ROR1: variants seen among roughly 807,000 people sequenced by gnomAD.
ROR1 encodes inactive tyrosine-protein kinase transmembrane receptor ROR1.
ROR1 carries 19 observed loss-of-function variants against 78.8 expected under a neutral mutation model. The ratio of observed to expected loss-of-function variants is 0.24; its 90% CI spans 0.17 to 0.35. The LOEUF (loss-of-function observed/expected upper bound fraction) is 0.35, where lower values mean the gene tolerates loss of function less well. Ranked by LOEUF, ROR1 falls within the 10% of genes least tolerant of loss-of-function variation. ROR1 has a pLI of 1.00. For synonymous variants in ROR1, 386 were observed against 433.6 expected (o/e 0.89, Z 1.36); for missense variants, 917 against 1,177.8 (o/e 0.78, Z 3.24).
chr1:63,916,679 C>G (rs529208233), intron 1 of ROR1, among the ~76,000 whole-genome samples: 1 of 152,178 alleles, frequency 6.6e-6, no homozygotes, highest in African/African-American at 2.4e-5. Context: ...AAGGTCCCAC[C>G]TCCTGATGTG....
intron 4 of ROR1, among the ~76,000 whole-genome samples, chr1:64,082,226 T>C (rs6677653): frequency 0.15 from 22,597 of 152,144 alleles, 1,773 homozygotes; most frequent in Middle Eastern, 0.2. Flanking sequence ...AGGGAATAAG[T>C]TCGTGGCAGT....
chr1:64,129,677 T>C (rs572667656), intron 4 of ROR1, among the ~76,000 whole-genome samples: 1 of 152,294 alleles, frequency 6.6e-6, no homozygotes, highest in South Asian at 2.1e-4. Flanking sequence ...TTGAAGACAG[T>C]AAAAAATCAC....
chr1:64,045,667 C>A (rs1292355093), intron 2 of ROR1, among the ~76,000 whole-genome samples: 1 of 152,120 alleles, frequency 6.6e-6, no homozygotes, highest in East Asian at 1.9e-4. Context: ...CTCTGTTTTC[C>A]ATGTGTAAAA....
intron 1 of ROR1, among the ~76,000 whole-genome samples, chr1:63,948,544 T>C (rs1449277618): frequency 6.6e-6 from 1 of 152,184 alleles, no homozygotes; most frequent in African/African-American, 2.4e-5. Flanking sequence ...GCCTAGTAGA[T>C]GTTCAGTAAA....
At chr1:64,003,357 T>C (rs753681078) in intron 1 of ROR1, among the ~76,000 whole-genome samples, 12 of 152,200 alleles carry the variant, frequency 7.9e-5, no homozygotes, top group Non-Finnish European at 1.8e-4. Context: ...AGTGATTTCG[T>C]ACTGCAATAT....
intron 4 of ROR1, among the ~76,000 whole-genome samples, chr1:64,132,789 G>GAC (rs1648967369): frequency 7.0e-6 from 1 of 143,836 alleles, no homozygotes. Flanking sequence ...AAAAAAGAGA[G>GAC]AGAGATAGGC....
chr1:64,045,332 A>T (rs1443589502), intron 2 of ROR1, among the ~76,000 whole-genome samples: 2 of 7,904 alleles, frequency 2.5e-4, no homozygotes, highest in Non-Finnish European at 1.4e-3. Flanking sequence ...ATTCAATAAT[A>T]AAAAAAAAAT....
chr1:64,157,963 A>C (rs144602435), intron 7 of ROR1, among the ~76,000 whole-genome samples: 5 of 152,156 alleles, frequency 3.3e-5, no homozygotes, highest in African/African-American at 1.2e-4. Flanking sequence ...TCACACTTTG[A>C]GTTTTCTTAA....
chr1:64,106,642 A>C (rs953178334), intron 4 of ROR1: 2 of 152,076 alleles, frequency 1.3e-5, no homozygotes, highest in African/African-American at 2.4e-5. Context: ...ATCAATATCT[A>C]GTTTATTGAG....
At chr1:64,023,054 C>T (rs752976465) in intron 2 of ROR1, among the ~76,000 whole-genome samples, 1 of 152,158 alleles carries the variant, frequency 6.6e-6, no homozygotes, top group Non-Finnish European at 1.5e-5. Context: ...GAAAGCCTTT[C>T]TACTGGTGAC....
chr1:63,839,811 ATTTCT>A (rs1383141022), intron 1 of ROR1, among the ~76,000 whole-genome samples: 1 of 150,874 alleles, frequency 6.6e-6, no homozygotes, highest in Non-Finnish European at 1.5e-5. Flanking sequence ...CTTTTCTTTT[ATTTCT>A]TTTATTTAGC....
intron 2 of ROR1, among the ~76,000 whole-genome samples, chr1:64,042,018 G>A (rs748381361): frequency 2.0e-5 from 3 of 152,136 alleles, no homozygotes; most frequent in Non-Finnish European, 2.9e-5. Flanking sequence ...CTCAGCATTG[G>A]TTTCTTCTTG....
chr1:63,809,709 A>G lies in ROR1; in HGVS notation c.91+35201A>G, dbSNP rs1050319407. ...TAAAGAAAGAAAGTTGCTCATGAAT[A>G]TATGTCACTTCAGGCAAGGGGCATG... On this transcript the variant is annotated intron_variant, in intron 1 of 8. Coordinates refer to ENST00000371079, the MANE Select transcript of ROR1 (RefSeq NM_005012.4). Among the ~76,000 whole-genome samples the G allele has an allele frequency of 1.1e-4, 16 of 152,330 alleles. No individual in the cohort carries two copies. The South Asian group carries it at 1.9e-3, about 18-fold the overall frequency.
chr1:64,140,518 A>T, intron 6 of ROR1, 92 bp downstream of exon 6: 2 of 1,178,196 alleles, frequency 1.7e-6, no homozygotes, highest in South Asian at 2.9e-5. Flanking sequence ...AGTGATTTTC[A>T]TACTGTTAAT....
intron 4 of ROR1, among the ~76,000 whole-genome samples, chr1:64,107,845 G>A (rs894263093): frequency 1.3e-5 from 2 of 152,136 alleles, no homozygotes; most frequent in Admixed American, 6.5e-5. Flanking sequence ...AGTGAAGGTA[G>A]GGTAGAATAA....
At chr1:63,996,497 C>T (rs1384479989) in intron 1 of ROR1, among the ~76,000 whole-genome samples, 1 of 152,030 alleles carries the variant, frequency 6.6e-6, no homozygotes, top group African/African-American at 2.4e-5. Flanking sequence ...TTCTACACGC[C>T]CAGGCTAATA....
intron 1 of ROR1, among the ~76,000 whole-genome samples, chr1:63,814,715 C>T (rs185212205): frequency 9.9e-5 from 15 of 152,176 alleles, no homozygotes; most frequent in Admixed American, 2.6e-4. Context: ...GAATCTAATG[C>T]CACCACTGAT....
chr1:64,103,178 TTGGCGA>T (rs1204933935), intron 4 of ROR1, among the ~76,000 whole-genome samples: 1 of 152,200 alleles, frequency 6.6e-6, no homozygotes, highest in African/African-American at 2.4e-5. Flanking sequence ...AAGGACTGAC[TTGGCGA>T]TGTGGGCTCT....
chr1:64,119,831 G>A (rs995840082), intron 4 of ROR1, among the ~76,000 whole-genome samples: 34 of 152,106 alleles, frequency 2.2e-4, no homozygotes, highest in African/African-American at 8.0e-4. Flanking sequence ...ATTATTTAAG[G>A]CCACATGGGT....
Sources: allele counts gnomAD v4.1 joint callset (sites outside exome capture counted in the v4.1 genomes callset), GRCh38; gene constraint gnomAD v4.1.1; transcripts MANE v1.5; gene names NCBI Gene and HGNC (gene_info 2026-07-23, HGNC 2026-07-21).